The following ZDHHC7 variants were observed in gnomAD, a reference collection of about 807,000 sequenced individuals.
ZDHHC7 encodes palmitoyltransferase ZDHHC7.
ZDHHC7 carries 12 observed loss-of-function variants against 34.1 expected under a neutral mutation model. The ratio of observed to expected loss-of-function variants is 0.35; its 90% confidence interval spans 0.23 to 0.57. ZDHHC7 has a LOEUF of 0.57. Among genes scored for constraint, ZDHHC7 ranks in the 20% least tolerant of loss-of-function variants. The pLI is 0.84. For missense variants in ZDHHC7, 388 were observed against 402.7 expected, an observed-to-expected ratio of 0.96 and a Z score of 0.31; for synonymous variants, 185 against 155.4, an observed-to-expected ratio of 1.19 and a Z score of -1.42.
chr16:85,021,660 G>A, the ZDHHC7 span, among the ~76,000 whole-genome samples: 1 of 152,082 alleles, frequency 6.6e-6, no homozygotes, highest in Non-Finnish European at 1.5e-5. Flanking sequence ...GGAGGTTGCA[G>A]TGAGCAGAGA....
chr16:85,025,463 C>A, the ZDHHC7 span, among the ~76,000 whole-genome samples: 1 of 151,996 alleles, frequency 6.6e-6, no homozygotes, highest in African/African-American at 2.4e-5. Context: ...GGCTGGAGTG[C>A]AGTGGCGCGA....
chr16:85,027,133 G>C, the ZDHHC7 span, among the ~76,000 whole-genome samples: 3 of 152,214 alleles, frequency 2.0e-5, no homozygotes, highest in African/African-American at 7.2e-5. Flanking sequence ...GAGCAGCTGA[G>C]ATGGAATCTA....
intron 3 of ZDHHC7, chr16:84,989,006 C>T (rs2072474027): frequency 1.3e-5 from 11 of 871,558 alleles, no homozygotes; most frequent in Admixed American, 2.1e-5. Flanking sequence ...AAGGAGAGGG[C>T]GGAGACACAC....
chr16:85,026,625 G>C, the ZDHHC7 span, among the ~76,000 whole-genome samples: 1 of 150,492 alleles, frequency 6.6e-6, no homozygotes, highest in Non-Finnish European at 1.5e-5. Context: ...TTGGGGTGTG[G>C]GACAGGTACT....
Position 84,976,224 on chromosome 16 carries a change from C to T in ZDHHC7, c.*119G>A, listed in dbSNP as rs2072294811. On this transcript the variant is annotated 3_prime_UTR_variant, in exon 8 of 8. Coordinates refer to ENST00000313732, the MANE Select transcript of ZDHHC7 (RefSeq NM_017740.3). The stretch of plus-strand genomic sequence containing the variant: ...TATATAAAACTCTGCTTGCTGCAAG[C>T]AATTGGTTTGTGTAGGTTCCAGTTG... 1.6e-6 allele frequency: 2 copies of T among 1,282,540 alleles called. No homozygotes were observed. Among genetic ancestry groups the T allele is most frequent in the Admixed American group, 2.2e-5 (1 of 44,782 alleles). 79.4% of individuals were successfully genotyped at this position (1,282,540 alleles called of 1,614,324 possible). A position where few individuals can be genotyped will look rare whatever the true frequency, so the allele number is the denominator to read the frequency against.
At chr16:84,998,017 T>C (rs2072604186) in intron 1 of ZDHHC7, among the ~76,000 whole-genome samples, 3 of 148,666 alleles carry the variant, frequency 2.0e-5, no homozygotes, top group Admixed American at 1.3e-4. Flanking sequence ...TCCCAGTACT[T>C]TGGGAGGCCG....
intron 2 of ZDHHC7, 61 bp from the exon 3 acceptor site, chr16:84,990,696 A>G (rs1465266749): frequency 6.4e-6 from 9 of 1,404,640 alleles, no homozygotes; most frequent in Non-Finnish European, 8.8e-6. Flanking sequence ...TACCTTAAAT[A>G]TGATGTGTTA....
rs142198670 is a variant in ZDHHC7, at chr16:84,983,029, C to A, written c.316-1035G>T. Among the ~76,000 whole-genome samples, 222 of 152,300 alleles carry A rather than the reference C, an allele frequency of 1.5e-3. 3 individuals are homozygous for A. The highest frequency in any genetic ancestry group is 1.8e-3 in the Non-Finnish European group (120 of 68,022). On this transcript the variant is annotated intron_variant, in intron 3 of 7. Coordinates refer to ENST00000313732, the MANE Select transcript of ZDHHC7 (RefSeq NM_017740.3). ...AAAACCATGTTTGTGGGAGACAATT[C>A]TGGGAGCTGTGGCAGGGTGGAATAA...
In ZDHHC7 at chr16:84,976,246, G is replaced by C; in HGVS notation, c.*97C>G. The C allele has an allele frequency of 6.8e-7, 1 of 1,474,052 alleles. No individual in the cohort carries two copies. Among genetic ancestry groups the C allele is most frequent in the South Asian group, 1.2e-5 (1 of 81,370 alleles). The allele number at this position is 1,474,052 out of a possible 1,614,324, so 91.3% of individuals were successfully genotyped here. ...AAGCAATTGGTTTGTGTAGGTTCCA[G>C]TTGCCCTGTTGGTCACAGATGAGCT... On this transcript the variant is annotated 3_prime_UTR_variant, in exon 8 of 8. Coordinates refer to ENST00000313732, the MANE Select transcript of ZDHHC7 (RefSeq NM_017740.3).
chr16:84,982,360 AT>A (rs1477385170), intron 3 of ZDHHC7, among the ~76,000 whole-genome samples: 1 of 151,740 alleles, frequency 6.6e-6, no homozygotes, highest in Non-Finnish European at 1.5e-5. Flanking sequence ...AAAAAAAAAA[AT>A]CATATATTTT....
chr16:84,981,862 G>A lies in ZDHHC7; in HGVS notation c.440+8C>T, dbSNP rs200985140. ...ATGCGCTCGGGTTTAATACAGCAGC[G>A]CACGTACCTGCAGTGGTGGGCGCGC... On this transcript the variant is annotated splice_region_variant and intron_variant, in intron 4 of 7. Coordinates refer to ENST00000313732, the MANE Select transcript of ZDHHC7 (RefSeq NM_017740.3). 133 of 1,613,420 alleles carry A rather than the reference G, an allele frequency of 8.2e-5. No homozygotes were observed. The East Asian group carries it at 1.1e-3, about 13-fold the overall frequency.
At chr16:84,988,674 G>A (rs1231082701) in intron 3 of ZDHHC7, 2 of 1,124,442 alleles carry the variant, frequency 1.8e-6, no homozygotes, top group African/African-American at 3.1e-5. Context: ...GAGGAGGAAG[G>A]GGCAAGTGCG....
chr16:85,022,528 T>G, the ZDHHC7 span, among the ~76,000 whole-genome samples: 20 of 151,994 alleles, frequency 1.3e-4, no homozygotes, highest in East Asian at 3.5e-3. Flanking sequence ...GTCTTAATAA[T>G]AAGAAGAAGG....
chr16:84,998,541 C>G (rs1012780249), intron 1 of ZDHHC7, among the ~76,000 whole-genome samples: 9 of 152,076 alleles, frequency 5.9e-5, no homozygotes, highest in African/African-American at 2.2e-4. Flanking sequence ...TGGGGTGCCT[C>G]CCGATAACCC....
upstream of ZDHHC7, among the ~76,000 whole-genome samples, chr16:85,013,780 T>G (rs1402286459): frequency 1.3e-5 from 2 of 151,922 alleles, no homozygotes; most frequent in Non-Finnish European, 1.5e-5. Flanking sequence ...CCTCATCTCC[T>G]GGGTTCAAGC....
At chr16:84,985,475 G>T (rs1430952089) in intron 3 of ZDHHC7, among the ~76,000 whole-genome samples, 2 of 152,200 alleles carry the variant, frequency 1.3e-5, no homozygotes, top group Non-Finnish European at 2.9e-5. Context: ...GAGGAGCACA[G>T]CAAAACCCAG....
chr16:85,020,945 A>G, the ZDHHC7 span, among the ~76,000 whole-genome samples: 1 of 151,978 alleles, frequency 6.6e-6, no homozygotes, highest in Non-Finnish European at 1.5e-5. Flanking sequence ...TCTCAACAAA[A>G]AATACAAAAA....
At chr16:84,994,111 T>A (rs1242566140) in intron 2 of ZDHHC7, among the ~76,000 whole-genome samples, 1 of 152,230 alleles carries the variant, frequency 6.6e-6, no homozygotes, top group African/African-American at 2.4e-5. Flanking sequence ...ACTTGCTACC[T>A]GAGAGCTCTT....
intron 1 of ZDHHC7, among the ~76,000 whole-genome samples, chr16:85,007,380 G>C (rs918791225): frequency 7.1e-6 from 1 of 140,688 alleles, no homozygotes; most frequent in East Asian, 2.1e-4. Flanking sequence ...CCGAGACCAC[G>C]CCACCGCACT....
Sources: allele counts gnomAD v4.1 joint callset (sites outside exome capture counted in the v4.1 genomes callset), GRCh38; gene constraint gnomAD v4.1.1; transcripts MANE v1.5; gene names NCBI Gene and HGNC (gene_info 2026-07-23, HGNC 2026-07-21).